AP4E1: variants seen among roughly 807,000 people sequenced by gnomAD.
AP4E1 encodes the protein adaptor related protein complex 4 subunit epsilon 1, also known as AP-4 complex subunit epsilon-1.
Under a neutral mutation model 128.2 loss-of-function variants are expected in AP4E1, and 56 were observed. The ratio of observed to expected loss-of-function variants is 0.44; its 90% CI spans 0.35 to 0.55. The LOEUF is 0.55. Ranked by LOEUF, AP4E1 falls within the 20% of genes least tolerant of loss-of-function variation. The pLI is 0.00. For missense variants in AP4E1, 1,324 were observed against 1,307.7 expected (o/e 1.01, Z -0.19); for synonymous variants, 484 against 473.1 (o/e 1.02, Z -0.30).
intron 19 of AP4E1, among the ~76,000 whole-genome samples, chr15:50,999,489 A>G (rs1436078075): frequency 6.6e-6 from 1 of 152,180 alleles, no homozygotes. Context: ...AAGTGTTACA[A>G]TGAGGGATTA....
At chr15:50,920,588 C>T (rs1010896506) in intron 3 of AP4E1, among the ~76,000 whole-genome samples, 9 of 151,706 alleles carry the variant, frequency 5.9e-5, no homozygotes, top group Admixed American at 2.0e-4. Flanking sequence ...TTGGTAGGGA[C>T]GGGGTTTCAC....
Position 50,999,282 on chromosome 15 carries a change from T to C in AP4E1, c.3095+20T>C. 6.3e-7 allele frequency: 1 copy of C among 1,593,642 alleles called. No homozygotes were observed. Among genetic ancestry groups the C allele is most frequent in the Non-Finnish European group, 8.6e-7 (1 of 1,166,446 alleles). On this transcript the variant is annotated intron_variant, in intron 19 of 20. Transcript: ENST00000261842. ...CATTAGGTAAATGTTTTGTGAAATG[T>C]TAATTCAAGTTGTTAATTCACCAAC... is the stretch of plus-strand genomic sequence containing the variant.
chr15:50,984,472 A>G, intron 16 of AP4E1, among the ~76,000 whole-genome samples: 1 of 80,596 alleles, frequency 1.2e-5, no homozygotes, highest in African/African-American at 5.0e-5. Context: ...CCCACCCCAC[A>G]ACAGGCCCTG....
intron 6 of AP4E1, among the ~76,000 whole-genome samples, chr15:50,930,461 T>C (rs2063820389): frequency 1.3e-5 from 2 of 151,278 alleles, no homozygotes; most frequent in African/African-American, 4.9e-5. Context: ...AGCCGAGGTA[T>C]TACTGTCCTT....
chr15:50,945,383 C>T, intron 10 of AP4E1: 1 of 778,990 alleles, frequency 1.3e-6, no homozygotes, highest in Non-Finnish European at 2.4e-6. Context: ...GATATGAGAA[C>T]AAATACAGTT....
chr15:50,942,858 C>T (rs1232159611), intron 10 of AP4E1, among the ~76,000 whole-genome samples: 1 of 151,542 alleles, frequency 6.6e-6, no homozygotes, highest in Non-Finnish European at 1.5e-5. Context: ...GTAAAAAATT[C>T]TGTTTATAAA....
chr15:50,946,374 T>C (rs2064062283), intron 10 of AP4E1, among the ~76,000 whole-genome samples: 1 of 152,316 alleles, frequency 6.6e-6, no homozygotes, highest in East Asian at 1.9e-4. Context: ...ATTACAATGA[T>C]GTTTCTTCCT....
chr15:50,974,545 G>T (rs1387332982), intron 15 of AP4E1, among the ~76,000 whole-genome samples: 1 of 152,120 alleles, frequency 6.6e-6, no homozygotes, highest in Non-Finnish European at 1.5e-5. Flanking sequence ...GGGATTATAG[G>T]CATGAGCCAC....
In AP4E1 at chr15:50,929,058, A is replaced by G; in HGVS notation, c.592A>G (p.Ile198Val). ...AVLALYKFHL[I>V]APNQVQHIHI... ...TCTGGCATTATACAAATTCCATCTC[A>G]TTGCTCCTAATCAAGTACAACATAT... Residue 198 changes from isoleucine (I) to valine (V), a missense_variant, in exon 6 of 21, where the codon ATT becomes GTT. Physicochemically the swap from Ile to Val is conservative, Grantham distance 29. Transcript: ENST00000261842. 1 of 1,613,712 alleles carries G rather than the reference A, an allele frequency of 6.2e-7. No homozygotes were observed. The highest frequency in any genetic ancestry group is 8.5e-7 in the Non-Finnish European group (1 of 1,179,764).
At chr15:50,933,717 A>G in intron 7 of AP4E1, among the ~76,000 whole-genome samples, 1 of 152,180 alleles carries the variant, frequency 6.6e-6, no homozygotes, top group Non-Finnish European at 1.5e-5. Flanking sequence ...TCAAGACAGA[A>G]TGAAAGTACA....
chr15:50,975,993 A>C (rs182426033), intron 15 of AP4E1, among the ~76,000 whole-genome samples: 2 of 152,210 alleles, frequency 1.3e-5, no homozygotes, highest in African/African-American at 4.8e-5. Context: ...AGAGAGAGAG[A>C]GTTCTTTTCA....
At chr15:50,925,349 T>C in intron 5 of AP4E1, 130 bp downstream of exon 5, 1 of 968,398 alleles carries the variant, frequency 1.0e-6, no homozygotes, top group Non-Finnish European at 1.5e-6. Context: ...AATACAAAAA[T>C]CTTCAATAGG....
At chr15:50,992,511 A>G (rs2064819919) in intron 16 of AP4E1, among the ~76,000 whole-genome samples, 2 of 152,198 alleles carry the variant, frequency 1.3e-5, no homozygotes, top group Non-Finnish European at 2.9e-5. Flanking sequence ...TTTAGCCCGC[A>G]CTTATTAGTC....
intron 13 of AP4E1, among the ~76,000 whole-genome samples, chr15:50,951,797 G>A (rs1373955475): frequency 6.9e-6 from 1 of 144,448 alleles, no homozygotes. Context: ...CGTGAACTCA[G>A]CTCACTGTAA....
At chr15:50,984,173 G>T (rs762377428) in intron 16 of AP4E1, 28 bp downstream of exon 16, 1 of 1,611,392 alleles carries the variant, frequency 6.2e-7, no homozygotes, top group Non-Finnish European at 8.5e-7. Context: ...TAAAATTGAG[G>T]TTATGGGAGT....
intron 13 of AP4E1, 26 bp downstream of exon 13, chr15:50,950,195 AT>A: frequency 6.9e-7 from 1 of 1,446,108 alleles, no homozygotes; most frequent in Non-Finnish European, 9.7e-7. Context: ...TAAATCATAA[AT>A]TTTTATAACA....
At chr15:50,957,519 C>T (rs1425577565) in intron 13 of AP4E1, among the ~76,000 whole-genome samples, 4 of 151,998 alleles carry the variant, frequency 2.6e-5, no homozygotes, top group Non-Finnish European at 5.9e-5. Context: ...CACTTTGGGC[C>T]GTGGTCTCAG....
intron 7 of AP4E1, 60 bp from the exon 8 acceptor site, chr15:50,934,564 A>G: frequency 8.3e-7 from 1 of 1,204,864 alleles, no homozygotes; most frequent in South Asian, 1.3e-5. Context: ...AAGTTTGAAA[A>G]ACTGTTTTAT....
chr15:50,918,390 T>TA (rs1199383785), intron 3 of AP4E1, among the ~76,000 whole-genome samples: 1 of 152,210 alleles, frequency 6.6e-6, no homozygotes, highest in Non-Finnish European at 1.5e-5. Flanking sequence ...GTCCTGCTCT[T>TA]TCTTGTTACT....
Sources: allele counts gnomAD v4.1 joint callset (sites outside exome capture counted in the v4.1 genomes callset), GRCh38; gene constraint gnomAD v4.1.1; transcripts MANE v1.5; gene names NCBI Gene and HGNC (gene_info 2026-07-23, HGNC 2026-07-21).